The following IL15 variants were observed in gnomAD, a reference collection of about 807,000 sequenced individuals.
IL15 encodes the protein interleukin 15, also known as interleukin-15.
IL15 carries 11 observed loss-of-function variants against 19.6 expected under a neutral mutation model. The ratio of observed to expected loss-of-function variants is 0.56; its 90% CI spans 0.35 to 0.93. The LOEUF (loss-of-function observed/expected upper bound fraction) is 0.93. IL15 is among the 40% of genes least tolerant of loss of function. The probability of loss-of-function intolerance (pLI) is 0.01; values close to 1 mark genes in which losing one functional copy is unlikely to be tolerated. For synonymous variants in IL15, 58 were observed against 59.6 expected (o/e 0.97, Z 0.12); for missense variants, 197 against 186.5 (o/e 1.06, Z -0.33).
intron 5 of IL15, among the ~76,000 whole-genome samples, chr4:141,722,222 G>A (rs1730113382): frequency 6.6e-6 from 1 of 152,242 alleles, no homozygotes; most frequent in African/African-American, 2.4e-5. Flanking sequence ...CCAGACGGAT[G>A]AGTTCTAGTC....
chr4:141,658,368 C>T (rs552502203), intron 2 of IL15, among the ~76,000 whole-genome samples: 6 of 151,908 alleles, frequency 3.9e-5, no homozygotes, highest in African/African-American at 9.7e-5. Flanking sequence ...TATAGCAGTG[C>T]GAGAATGGAC....
At chr4:141,664,625 C>A (rs1039595325) in intron 2 of IL15, among the ~76,000 whole-genome samples, 4 of 152,136 alleles carry the variant, frequency 2.6e-5, no homozygotes, top group African/African-American at 7.2e-5. Context: ...TTCAGCCCCA[C>A]ATAAGACACC....
intron 1 of IL15, among the ~76,000 whole-genome samples, chr4:141,654,001 T>C (rs17007503): frequency 0.026 from 4,032 of 152,364 alleles, 179 homozygotes; most frequent in African/African-American, 0.091. Context: ...AAGTGTTTCC[T>C]GACCTCACAT....
intron 2 of IL15, among the ~76,000 whole-genome samples, chr4:141,659,657 A>G (rs762265532): frequency 6.6e-6 from 1 of 152,254 alleles, no homozygotes; most frequent in Non-Finnish European, 1.5e-5. Context: ...ATTGATGGAA[A>G]TGAATAAACA....
chr4:141,671,723 G>A (rs1351692098), intron 2 of IL15, among the ~76,000 whole-genome samples: 1 of 152,128 alleles, frequency 6.6e-6, no homozygotes, highest in Non-Finnish European at 1.5e-5. Context: ...ACCTAGAGTT[G>A]GAAGTCACAC....
Position 141,641,852 on chromosome 4 carries a change from A to G in IL15, c.-222+5104A>G, listed in dbSNP as rs957304725. Among the ~76,000 whole-genome samples, 4 of 152,062 alleles carry G rather than the reference A, an allele frequency of 2.6e-5. No homozygotes were observed. The East Asian group carries it at 7.7e-4, about 29-fold the overall frequency. ...ACTTAAAGTATAATTTAAAAAAAAA[A>G]AAGCCGCAATGTGGTTTTCGAGCTT... On this transcript the variant is annotated intron_variant, in intron 1 of 7. Coordinates refer to ENST00000320650, the MANE Select transcript of IL15 (RefSeq NM_000585.5).
At chr4:141,665,248 T>G (rs983980172) in intron 2 of IL15, among the ~76,000 whole-genome samples, 2 of 152,152 alleles carry the variant, frequency 1.3e-5, no homozygotes, top group African/African-American at 4.8e-5. Flanking sequence ...CTATATTTTA[T>G]TTTTGAAATG....
chr4:141,681,860 T>C (rs1259217534), intron 2 of IL15, among the ~76,000 whole-genome samples: 1 of 152,298 alleles, frequency 6.6e-6, no homozygotes, highest in East Asian at 1.9e-4. Flanking sequence ...ATTCTCTCCG[T>C]TGGTTGTATA....
chr4:141,670,029 A>G (rs1020181091), intron 2 of IL15, among the ~76,000 whole-genome samples: 6 of 151,516 alleles, frequency 4.0e-5, no homozygotes, highest in Non-Finnish European at 1.5e-5. Flanking sequence ...TTGCCCAGAA[A>G]TAGATTTTAC....
chr4:141,706,485 T>C (rs945172406), intron 2 of IL15, among the ~76,000 whole-genome samples: 3 of 152,084 alleles, frequency 2.0e-5, no homozygotes, highest in Non-Finnish European at 2.9e-5. Context: ...TATTCTGAGT[T>C]TGATTTATGA....
chr4:141,703,366 TG>T (rs1729392567), intron 2 of IL15, among the ~76,000 whole-genome samples: 3 of 152,160 alleles, frequency 2.0e-5, no homozygotes, highest in Admixed American at 6.5e-5. Context: ...CTGAGCTCAT[TG>T]GCTAACTTTC....
At chr4:141,653,332 T>C (rs761451148) in intron 1 of IL15, among the ~76,000 whole-genome samples, 1 of 152,186 alleles carries the variant, frequency 6.6e-6, no homozygotes, top group Non-Finnish European at 1.5e-5. Flanking sequence ...CATATATGAT[T>C]AGACAAAATA....
At chr4:141,730,015 A>C in intron 7 of IL15, 31 bp downstream of exon 7, 1 of 1,574,204 alleles carries the variant, frequency 6.4e-7, no homozygotes, top group Non-Finnish European at 8.7e-7. Context: ...TTAGAGTTGC[A>C]TCTTATGTTT....
intron 2 of IL15, among the ~76,000 whole-genome samples, chr4:141,709,856 ATG>A (rs1560931614): frequency 6.6e-6 from 1 of 151,998 alleles, no homozygotes; most frequent in East Asian, 1.9e-4. Context: ...TGGTGTATGA[ATG>A]ATGCCATCAC....
At chr4:141,721,427 TAGTA>T in intron 4 of IL15, 2 of 624,488 alleles carry the variant, frequency 3.2e-6, no homozygotes, top group East Asian at 6.4e-5. Context: ...GCTGCAAGCA[TAGTA>T]AGAGTGTGAG....
intron 2 of IL15, among the ~76,000 whole-genome samples, chr4:141,699,370 C>T (rs1378858399): frequency 6.6e-6 from 1 of 152,066 alleles, no homozygotes; most frequent in African/African-American, 2.4e-5. Context: ...AGCTTAAGTC[C>T]ATTATTTCTT....
chr4:141,682,896 G>A (rs2152173329), intron 2 of IL15, among the ~76,000 whole-genome samples: 1 of 151,970 alleles, frequency 6.6e-6, no homozygotes, highest in Non-Finnish European at 1.5e-5. Flanking sequence ...AGTCTGCAGT[G>A]AGCCGAGATC....
intron 5 of IL15, among the ~76,000 whole-genome samples, chr4:141,726,011 C>T (rs141439301): frequency 3.3e-5 from 5 of 152,168 alleles, no homozygotes; most frequent in African/African-American, 1.2e-4. Flanking sequence ...GTCTCTCTTC[C>T]TCTTCTTATA....
chr4:141,682,897 A>G (rs974145832), intron 2 of IL15, among the ~76,000 whole-genome samples: 172 of 152,086 alleles, frequency 1.1e-3, no homozygotes, highest in African/African-American at 3.9e-3. Context: ...GTCTGCAGTG[A>G]GCCGAGATCA....
Sources: gnomAD v4.1 joint callset for allele counts (sites outside exome capture counted in the v4.1 genomes callset) on GRCh38, gnomAD v4.1.1 for gene constraint, MANE v1.5 for transcripts, NCBI Gene and HGNC (gene_info 2026-07-23, HGNC 2026-07-21) for gene names.